TARS3: variants seen among roughly 807,000 people sequenced by gnomAD.
The protein encoded by TARS3 is threonine--tRNA ligase 2, cytoplasmic.
In TARS3, 94 loss-of-function variants were observed where a neutral mutation model predicts 103.5. The observed-to-expected ratio is 0.91, with a 90% CI of 0.77 to 1.08. TARS3 has a LOEUF of 1.08. Among genes scored for constraint, TARS3 ranks in the 50% least tolerant of loss-of-function variants. TARS3 has a pLI of 0.00. For missense variants in TARS3, 952 were observed against 995.2 expected, an observed-to-expected ratio of 0.96 and a Z score of 0.58; for synonymous variants, 416 against 355.4, an observed-to-expected ratio of 1.17 and a Z score of -1.92.
chr15:101,703,446 C>T (rs1002920904), intron 8 of TARS3, among the ~76,000 whole-genome samples: 5 of 151,980 alleles, frequency 3.3e-5, no homozygotes, highest in South Asian at 4.2e-4. Context: ...AAAAATTAGC[C>T]GGGTGGGGTG....
At chr15:101,689,614 A>G (rs1207595097) in intron 10 of TARS3, among the ~76,000 whole-genome samples, 1 of 152,216 alleles carries the variant, frequency 6.6e-6, no homozygotes, top group Non-Finnish European at 1.5e-5. Flanking sequence ...GATGGGAATG[A>G]CGCTTCAACA....
chr15:101,723,481 A>G (rs1036411513), intron 1 of TARS3, among the ~76,000 whole-genome samples: 8 of 152,236 alleles, frequency 5.3e-5, no homozygotes, highest in African/African-American at 1.9e-4. Context: ...AGATGTTGCT[A>G]GTTCACCGCA....
At chr15:101,658,562 C>G (rs918955617) in intron 16 of TARS3, among the ~76,000 whole-genome samples, 1 of 152,032 alleles carries the variant, frequency 6.6e-6, no homozygotes, top group Non-Finnish European at 1.5e-5. Flanking sequence ...CAGGAGGGAG[C>G]CTTACAAGTG....
intron 12 of TARS3, among the ~76,000 whole-genome samples, chr15:101,679,248 T>A (rs867316711): frequency 3.3e-4 from 50 of 152,300 alleles, no homozygotes; most frequent in African/African-American, 6.3e-4. Context: ...CTCCTCTCCT[T>A]CCAAAATTAT....
chr15:101,720,088 T>C (rs79855223), intron 3 of TARS3, among the ~76,000 whole-genome samples: 3,338 of 152,312 alleles, frequency 0.022, 112 homozygotes, highest in African/African-American at 0.073. Flanking sequence ...TGTTTTCTCC[T>C]AGCACATCAT....
intron 10 of TARS3, among the ~76,000 whole-genome samples, chr15:101,687,144 T>G (rs1898509153): frequency 6.6e-6 from 1 of 152,132 alleles, no homozygotes; most frequent in South Asian, 2.1e-4. Context: ...GGCTCACGCC[T>G]GTAATCCCAG....
chr15:101,701,786 T>C (rs1899295028), intron 9 of TARS3, among the ~76,000 whole-genome samples: 1 of 152,022 alleles, frequency 6.6e-6, no homozygotes, highest in Non-Finnish European at 1.5e-5. Context: ...ACAACTCTTT[T>C]TTTTTTTGAG....
chr15:101,653,891 C>T lies in TARS3; in HGVS notation c.*691G>A, dbSNP rs1388676771. 3 of 152,228 alleles carry T rather than the reference C, an allele frequency of 2.0e-5. No homozygotes were observed. Among genetic ancestry groups the T allele is most frequent in the Non-Finnish European group, 4.4e-5 (3 of 68,044 alleles). The allele number at this position is 152,228 out of a possible 1,614,324, so 9.4% of individuals were successfully genotyped here. On this transcript the variant is annotated 3_prime_UTR_variant, in exon 19 of 19. Transcript: ENST00000335968. ...CAAAAAAGTAACAACTCTAGGTGAG[C>T]GGCTTAGTGGTGGTAGAAGCCCACA...
At chr15:101,694,979 C>T (rs918519838) in intron 10 of TARS3, among the ~76,000 whole-genome samples, 7 of 152,044 alleles carry the variant, frequency 4.6e-5, no homozygotes, top group South Asian at 2.1e-4. Flanking sequence ...GGATTTGCAA[C>T]GTGGAAAGAG....
chr15:101,715,149 GTT>G (rs199577249), intron 3 of TARS3, among the ~76,000 whole-genome samples, 186 bp from the exon 4 acceptor site: 3 of 139,896 alleles, frequency 2.1e-5, no homozygotes, highest in East Asian at 2.0e-4. Flanking sequence ...TACATTCACT[GTT>G]TTTTTTTTTT....
intron 1 of TARS3, 57 bp from the exon 2 acceptor site, chr15:101,723,221 A>C: frequency 6.6e-7 from 1 of 1,509,388 alleles, no homozygotes. Context: ...AACACATTTT[A>C]AGAAGAGAGT....
intron 15 of TARS3, among the ~76,000 whole-genome samples, chr15:101,671,228 A>G (rs1435859973): frequency 6.6e-6 from 1 of 152,170 alleles, no homozygotes; most frequent in Non-Finnish European, 1.5e-5. Context: ...TAACTCAGGG[A>G]GAGTCAGCAG....
chr15:101,716,361 A>G (rs1019316334), intron 3 of TARS3, among the ~76,000 whole-genome samples: 4 of 152,200 alleles, frequency 2.6e-5, no homozygotes, highest in Non-Finnish European at 4.4e-5. Context: ...AGAAACACAC[A>G]CACAAAATCA....
At chr15:101,703,540 A>C (rs1374452283) in intron 8 of TARS3, among the ~76,000 whole-genome samples, 1 of 152,136 alleles carries the variant, frequency 6.6e-6, no homozygotes, top group Admixed American at 6.5e-5. Flanking sequence ...CAGTGAGCCA[A>C]GATCACACCA....
intron 10 of TARS3, among the ~76,000 whole-genome samples, chr15:101,691,492 C>A (rs1898722390): frequency 6.6e-6 from 1 of 150,840 alleles, no homozygotes; most frequent in Non-Finnish European, 1.5e-5. Context: ...GTTGGCCAGG[C>A]TGGTCTCGAA....
Position 101,671,575 on chromosome 15 carries a change from T to C in TARS3, c.1878A>G (p.Lys626=). The change falls in exon 15 of 19, where the codon AAA becomes AAG. Residue 626 remains lysine, a synonymous_variant. Transcript: ENST00000335968. ...GAFYGPKIDI[K]IKDAIGRYHQ... ...GGTATCTGCCAATAGCATCCTTGATTTTTATGTCAATCTACAAATTAAATA... is the reference window on the plus strand; with the variant it reads ...GGTATCTGCCAATAGCATCCTTGATCTTTATGTCAATCTACAAATTAAATA... 1 of 1,610,894 alleles carries C rather than the reference T, an allele frequency of 6.2e-7. No homozygotes were observed. Among genetic ancestry groups the C allele is most frequent in the Non-Finnish European group, 8.5e-7 (1 of 1,177,296 alleles).
intron 12 of TARS3, among the ~76,000 whole-genome samples, chr15:101,677,395 A>G (rs930350016): frequency 4.6e-5 from 7 of 152,108 alleles, no homozygotes; most frequent in African/African-American, 1.7e-4. Flanking sequence ...CCTGGTTCTC[A>G]GGCCCACCAA....
rs538114529 is a variant in TARS3, at chr15:101,693,339, T to G, written c.1321-7277A>C. On this transcript the variant is annotated intron_variant, in intron 10 of 18. Coordinates refer to ENST00000335968, the MANE Select transcript of TARS3 (RefSeq NM_152334.3). ...TCTTAAATGGCAGCAGGCAAGGGAC[T>G]TTGTGCGGGGGAACTCCCTTTTATA... is the stretch of plus-strand genomic sequence containing the variant. 3.9e-5 allele frequency among the ~76,000 whole-genome samples: 6 copies of G among 152,216 alleles called. No homozygotes were observed. In the East Asian group the frequency reaches 9.7e-4, roughly 25 times the overall value.
At chr15:101,664,414 C>A (rs1311800090) in intron 15 of TARS3, 2 of 152,236 alleles carry the variant, frequency 1.3e-5, no homozygotes, top group African/African-American at 4.8e-5. Flanking sequence ...CGGAGTCCTA[C>A]TAACTCCACT....
Sources: allele counts gnomAD v4.1 joint callset (sites outside exome capture counted in the v4.1 genomes callset), GRCh38; gene constraint gnomAD v4.1.1; transcripts MANE v1.5; gene names NCBI Gene and HGNC (gene_info 2026-07-23, HGNC 2026-07-21).